ADPRHL1: variants seen among roughly 807,000 people sequenced by gnomAD.
ADPRHL1 encodes the protein inactive ADP-ribosyltransferase ARH2.
Under a neutral mutation model 44.1 loss-of-function variants are expected in ADPRHL1, and 43 were observed. The observed-to-expected ratio is 0.98, with a 90% confidence interval of 0.76 to 1.26. The LOEUF is 1.26. ADPRHL1 is among the 50% of genes most tolerant of loss of function. The pLI is 0.00. For missense variants in ADPRHL1, 2,022 were observed against 2,496.9 expected (o/e 0.81, Z 4.05); for synonymous variants, 878 against 1,017.4 (o/e 0.86, Z 2.61).
chr13:113,448,465 C>CAAAAAAAAA lies in ADPRHL1; in HGVS notation c.215-3885_215-3877dup, dbSNP rs61278696. On this transcript the variant is annotated intron_variant, in intron 1 of 7. Coordinates refer to ENST00000612156, the MANE Select transcript of ADPRHL1 (RefSeq NM_001394807.1). ...CGGGCAAAAGAGTGAGACTATGTCCCAAAAAAAAAAAAAAAAAAAAAAAAA... is the reference window on the plus strand; with the variant it reads ...CGGGCAAAAGAGTGAGACTATGTCCCAAAAAAAAAAAAAAAAAAAAAAAAAAAAAAAAAA... 1.2e-3 allele frequency among the ~76,000 whole-genome samples: 47 copies of CAAAAAAAAA among 39,834 alleles called. 3 individuals carry two copies. The highest frequency in any genetic ancestry group is 2.8e-3 in the Admixed American group (8 of 2,826). 26.1% of individuals were successfully genotyped at this position (39,834 alleles called of 152,430 possible). A position where few individuals can be genotyped will look rare whatever the true frequency, so the allele number is the denominator to read the frequency against.
chr13:113,435,385 C>T (rs1176145145), intron 2 of ADPRHL1, among the ~76,000 whole-genome samples: 4 of 138,206 alleles, frequency 2.9e-5, no homozygotes, highest in Admixed American at 2.2e-4. Flanking sequence ...AGGTGTACCC[C>T]AGGACCTGGC....
At position 113,400,727 on chromosome 13, in the gene ADPRHL1, T is replaced by A. The variant is rs1409405014; in HGVS notation, c.*2651A>T. ...TTTTTTCCTGCACACAGAGTAGCTGTGCTGTTTTTGAGCTGAGGGCAGTGT... is the reference window on the plus strand; with the variant it reads ...TTTTTTCCTGCACACAGAGTAGCTGAGCTGTTTTTGAGCTGAGGGCAGTGT... On this transcript the variant is annotated 3_prime_UTR_variant, in exon 8 of 8. Transcript: ENST00000612156. 6.6e-6 allele frequency: 1 copy of A among 152,246 alleles called. No individual in the cohort carries two copies. 9.4% of individuals were successfully genotyped at this position (152,246 alleles called of 1,614,324 possible).
intron 1 of ADPRHL1, among the ~76,000 whole-genome samples, chr13:113,451,637 G>A (rs1481330299): frequency 5.3e-5 from 8 of 152,172 alleles, no homozygotes; most frequent in East Asian, 3.9e-4. Flanking sequence ...GTGAAACCCC[G>A]TCTCTACTAA....
In ADPRHL1 at chr13:113,404,901, C is replaced by T. The variant is rs1043673740; in HGVS notation, c.4381G>A (p.Glu1461Lys). ...EERGRSTAWG[E>K]GTRAARNPAV... ...GGGTTCCTGGCAGCCCTGGTGCCCT[C>T]TCCCCACGCCGTGCTCCGCCCCCGC... Residue 1461 changes from glutamate to lysine, a missense_variant, in exon 8 of 8, where the codon GAG becomes AAG. Glu to Lys is a moderately conservative substitution (Grantham distance 56). This residue lies in a region of ADPRHL1 where 1,221 missense variants were observed against 1,517.8 expected (regional missense o/e 0.80). Coordinates refer to ENST00000612156, the MANE Select transcript of ADPRHL1 (RefSeq NM_001394807.1). 16 of 1,245,068 alleles carry T rather than the reference C, an allele frequency of 1.3e-5. No individual in the cohort carries two copies. In the South Asian group the frequency reaches 1.9e-4, roughly 15 times the overall value. 77.1% of individuals were successfully genotyped at this position (1,245,068 alleles called of 1,614,324 possible).
intron 3 of ADPRHL1, 72 bp downstream of exon 3, chr13:113,433,670 C>T: frequency 6.7e-7 from 1 of 1,490,768 alleles, no homozygotes; most frequent in Non-Finnish European, 8.9e-7. Context: ...CCACACTTAA[C>T]CTGTGAGGTG....
At chr13:113,428,242 CAA>C (rs67263619) in intron 4 of ADPRHL1, among the ~76,000 whole-genome samples, 15 of 130,240 alleles carry the variant, frequency 1.2e-4, no homozygotes, top group African/African-American at 2.0e-4. Flanking sequence ...GATTCCATCT[CAA>C]AAAAAAAAAA....
chr13:113,450,266 T>G (rs188235498), intron 1 of ADPRHL1, among the ~76,000 whole-genome samples: 336 of 152,310 alleles, frequency 2.2e-3, no homozygotes, highest in Middle Eastern at 3.4e-3. Flanking sequence ...AGGCTACAAT[T>G]TGTTATTTAA....
chr13:113,448,545 C>T (rs1380688396), intron 1 of ADPRHL1, among the ~76,000 whole-genome samples: 1 of 142,458 alleles, frequency 7.0e-6, no homozygotes, highest in Non-Finnish European at 1.5e-5. Context: ...AAAATACTAA[C>T]ATCCAGTGAT....
At chr13:113,430,670 T>C in intron 3 of ADPRHL1, among the ~76,000 whole-genome samples, 1 of 151,624 alleles carries the variant, frequency 6.6e-6, no homozygotes, top group African/African-American at 2.4e-5. Context: ...GTGATGGCTG[T>C]ACTGGTGACA....
rs149000333 is a variant in ADPRHL1, at chr13:113,413,638, A to C, written c.1062-5418T>G. On this transcript the variant is annotated intron_variant, in intron 7 of 7. Coordinates refer to ENST00000612156, the MANE Select transcript of ADPRHL1 (RefSeq NM_001394807.1). The stretch of plus-strand genomic sequence containing the variant: ...GAACGCGTCCTCATGCGCTGGAGCC[A>C]GTGCTGCCCCTTGGGCCGTCAGCCC... Among the ~76,000 whole-genome samples the C allele has an allele frequency of 2.4e-3, 371 of 152,318 alleles. 2 individuals carry two copies. Among genetic ancestry groups the C allele is most frequent in the East Asian group, 0.024 (126 of 5,178 alleles).
chr13:113,426,406 C>T (rs1433660697), intron 4 of ADPRHL1, among the ~76,000 whole-genome samples: 4 of 152,190 alleles, frequency 2.6e-5, no homozygotes, highest in Non-Finnish European at 5.9e-5. Context: ...ACACGTGTGC[C>T]GATCACATGA....
chr13:113,422,827 T>C lies in ADPRHL1; in HGVS notation c.1060A>G (p.Asn354Asp), dbSNP rs1328103905. ...GGAAAGTGGCAGAAATGGCTTTACT[T>C]CTCCTCTGTGGACAGGCGGTAGAGA... Reference protein sequence around the residue: ...AALYRLSTEENRKSSKTCSDV... With the variant: ...AALYRLSTEEDRKSSKTCSDV... The change falls in exon 7 of 8, where the codon AAC becomes GAC. Residue 354 changes from asparagine to aspartate, a missense_variant and splice_region_variant. Transcript: ENST00000612156. 6.8e-6 allele frequency: 11 copies of C among 1,612,692 alleles called. No homozygotes were observed. Among genetic ancestry groups the C allele is most frequent in the East Asian group, 2.2e-5 (1 of 44,862 alleles).
At chr13:113,416,282 C>A (rs2043887076) in intron 7 of ADPRHL1, among the ~76,000 whole-genome samples, 1 of 151,910 alleles carries the variant, frequency 6.6e-6, no homozygotes. Flanking sequence ...GGCTAGGATA[C>A]CCCAAGGCCT....
chr13:113,448,115 C>T (rs1000130924), intron 1 of ADPRHL1, among the ~76,000 whole-genome samples: 1 of 152,150 alleles, frequency 6.6e-6, no homozygotes, highest in African/African-American at 2.4e-5. Flanking sequence ...CCTTGGGCTT[C>T]TCCCCGGGTC....
In ADPRHL1 at chr13:113,444,314, G is replaced by A. The variant is rs972850298; in HGVS notation, c.379+111C>T. On this transcript the variant is annotated intron_variant, in intron 2 of 7. Transcript: ENST00000612156. Reference sequence around the variant, plus strand: ...CGACAAAGGGACTCTAGGCAGATCCGGCCTCACTGAAGCCACCTGGAGATG... The same window carrying A: ...CGACAAAGGGACTCTAGGCAGATCCAGCCTCACTGAAGCCACCTGGAGATG... 35 of 1,416,938 alleles carry A rather than the reference G, an allele frequency of 2.5e-5. No homozygotes were observed. In the East Asian group the frequency reaches 4.1e-4, roughly 17 times the overall value. 87.8% of individuals were successfully genotyped at this position (1,416,938 alleles called of 1,614,324 possible).
In ADPRHL1 at chr13:113,404,562, C is replaced by A. The variant is rs28666500; in HGVS notation, c.4720G>T (p.Gly1574Cys). Residue 1574 changes from glycine (G) to cysteine (C), a missense_variant, in exon 8 of 8, where the codon GGT becomes TGT. Around this residue, in one of 8 missense-constraint regions of ADPRHL1, gnomAD observed 32 missense variants for 72.6 expected, o/e 0.44. Transcript: ENST00000612156. ...AQGQAQEPAQ[G>C]GAQGQVQGQA... ...CCCTGAACCTGTCCCTGGGCCCCACCCTGAGCTGGTTCCTGTGCCTGCCCC... is the reference window on the plus strand; with the variant it reads ...CCCTGAACCTGTCCCTGGGCCCCACACTGAGCTGGTTCCTGTGCCTGCCCC... 263 of 1,298,618 alleles carry A rather than the reference C, an allele frequency of 2.0e-4. No homozygotes were observed. In the African/African-American group the frequency reaches 3.8e-3, roughly 19 times the overall value. The allele number at this position is 1,298,618 out of a possible 1,614,324, so 80.4% of individuals were successfully genotyped here.
In ADPRHL1 at chr13:113,404,944, C is replaced by G. The variant is rs2043795617; in HGVS notation, c.4338G>C (p.Leu1446=). ...GCCCCCGCTCCTCCCAGGGTCCCTGCAGATGCTGCTGACCTTGGTCACTGC... is the reference window on the plus strand; with the variant it reads ...GCCCCCGCTCCTCCCAGGGTCCCTGGAGATGCTGCTGACCTTGGTCACTGC... ...CQRSDQGQQH[L]QGPWEERGRS... The change falls in exon 8 of 8, where the codon CTG becomes CTC. Residue 1446 remains leucine (L), a synonymous_variant. Coordinates refer to ENST00000612156, the MANE Select transcript of ADPRHL1 (RefSeq NM_001394807.1). The G allele has an allele frequency of 2.4e-6, 3 of 1,240,270 alleles. No homozygotes were observed. The highest frequency in any genetic ancestry group is 3.1e-5 in the African/African-American group (2 of 64,622). 76.8% of individuals were successfully genotyped at this position (1,240,270 alleles called of 1,614,324 possible).
At position 113,407,293 on chromosome 13, in the gene ADPRHL1, C is replaced by T. The variant is rs545644999; in HGVS notation, c.1989G>A (p.Gly663=). 95 of 1,232,066 alleles carry T rather than the reference C, an allele frequency of 7.7e-5. 3 individuals carry two copies. The South Asian group carries it at 3.5e-3, about 45-fold the overall frequency. The allele number at this position is 1,232,066 out of a possible 1,614,324, so 76.3% of individuals were successfully genotyped here. ...TTCCCACTGCTTTGTTCCCACTGGG[C>T]CCCGTCTCCCTGGCACTAGGGGGCA... ...ASVPPSARET[G]PSGNKAVGKG... Residue 663 remains glycine, a synonymous_variant, in exon 8 of 8, where the codon GGG becomes GGA. Coordinates refer to ENST00000612156, the MANE Select transcript of ADPRHL1 (RefSeq NM_001394807.1).
At chr13:113,419,208 G>A (rs1266513480) in intron 7 of ADPRHL1, among the ~76,000 whole-genome samples, 1 of 145,522 alleles carries the variant, frequency 6.9e-6, no homozygotes, top group African/African-American at 2.6e-5. Flanking sequence ...TCAGGCTCTG[G>A]CAATCCTCCC....
Sources: allele counts gnomAD v4.1 joint callset (sites outside exome capture counted in the v4.1 genomes callset), GRCh38; gene constraint gnomAD v4.1.1; regional missense constraint gnomAD v4.1.1; transcripts MANE v1.5; gene names NCBI Gene and HGNC (gene_info 2026-07-23, HGNC 2026-07-21).